The following TRPS1 variants were observed in gnomAD, a reference collection of about 807,000 sequenced individuals.
The protein encoded by TRPS1 is zinc finger transcription factor Trps1.
TRPS1 carries 6 observed loss-of-function variants against 101.2 expected under a neutral mutation model. The ratio of observed to expected loss-of-function variants is 0.06; its 90% confidence interval spans 0.03 to 0.12. The LOEUF is 0.12. TRPS1 is among the 10% of genes least tolerant of loss of function. The pLI is 1.00. For missense variants in TRPS1, 1,363 were observed against 1,567.0 expected, an observed-to-expected ratio of 0.87 and a Z score of 2.20; for synonymous variants, 578 against 589.8, an observed-to-expected ratio of 0.98 and a Z score of 0.29.
intron 5 of TRPS1, among the ~76,000 whole-genome samples, chr8:115,540,633 A>G (rs1816430217): frequency 1.3e-5 from 2 of 151,888 alleles, no homozygotes; most frequent in African/African-American, 4.8e-5. Context: ...CACCATTTAA[A>G]TTACTAATTA....
intron 5 of TRPS1, among the ~76,000 whole-genome samples, chr8:115,525,997 T>C (rs1334093100): frequency 6.6e-6 from 1 of 152,116 alleles, no homozygotes; most frequent in Non-Finnish European, 1.5e-5. Context: ...TGTTGGGCAA[T>C]AAATTATTTG....
At chr8:115,503,985 T>C (rs1281728279) in intron 5 of TRPS1, among the ~76,000 whole-genome samples, 1 of 152,216 alleles carries the variant, frequency 6.6e-6, no homozygotes, top group East Asian at 1.9e-4. Context: ...TCCCCAAATG[T>C]GTGTTTCATT....
At chr8:115,535,413 A>G (rs1204820479) in intron 5 of TRPS1, among the ~76,000 whole-genome samples, 1 of 134,490 alleles carries the variant, frequency 7.4e-6, no homozygotes, top group African/African-American at 3.7e-5. Context: ...TATAGCATAT[A>G]TAGTGCATAT....
rs774172927 is a variant in TRPS1 at position 115,604,443 on chromosome 8, G to A, written c.1526C>T (p.Thr509Ile). 2.6e-5 allele frequency: 42 copies of A among 1,613,862 alleles called. No homozygotes were observed. Among genetic ancestry groups the A allele is most frequent in the Middle Eastern group, 3.3e-4 (2 of 6,084 alleles). ...LAKSSEGETMTKTDKSSSGAK... is the reference protein window; with the variant it reads ...LAKSSEGETMIKTDKSSSGAK... ...CCCACTCGAGCTCTTGTCTGTCTTGGTCATTGTCTCTCCTTCTGAACTTTT... is the reference window on the plus strand; with the variant it reads ...CCCACTCGAGCTCTTGTCTGTCTTGATCATTGTCTCTCCTTCTGAACTTTT... Residue 509 changes from threonine (T) to isoleucine (I), a missense_variant, in exon 4 of 7, where the codon ACC becomes ATC. By Grantham distance (89) the Thr-to-Ile change is moderately conservative. Around this residue, in one of 5 missense-constraint regions of TRPS1, gnomAD observed 1,020 missense variants for 1,073.0 expected, o/e 0.95. Coordinates refer to ENST00000395715, the MANE Select transcript of TRPS1 (RefSeq NM_014112.5). This position sits in a 1 kb window ranked among gnomAD's most constrained non-coding sequence, Gnocchi z 4.1.
At chr8:115,524,066 T>C (rs1374661677) in intron 5 of TRPS1, among the ~76,000 whole-genome samples, 4 of 152,144 alleles carry the variant, frequency 2.6e-5, no homozygotes, top group African/African-American at 9.6e-5. Flanking sequence ...TTAAAAATTA[T>C]CCATAACTGA....
intron 5 of TRPS1, among the ~76,000 whole-genome samples, chr8:115,559,149 A>G (rs1159178436): frequency 6.6e-6 from 1 of 152,176 alleles, no homozygotes; most frequent in East Asian, 1.9e-4. Context: ...ATACATTATG[A>G]AATCCTATGA....
intron 1 of TRPS1, among the ~76,000 whole-genome samples, chr8:115,654,683 T>A (rs1811640455): frequency 6.6e-6 from 1 of 152,194 alleles, no homozygotes; most frequent in South Asian, 2.1e-4. Context: ...ACCATTTTCA[T>A]AAGCAGTTTT....
chr8:115,539,575 C>T (rs954824659), intron 5 of TRPS1, among the ~76,000 whole-genome samples: 10 of 152,166 alleles, frequency 6.6e-5, no homozygotes. Context: ...CATGGTGGCT[C>T]ATGCCTGTAA....
chr8:115,467,244 T>C (rs946455115), intron 5 of TRPS1, among the ~76,000 whole-genome samples: 1 of 152,140 alleles, frequency 6.6e-6, no homozygotes, highest in Non-Finnish European at 1.5e-5. Flanking sequence ...GAAGTGGCAG[T>C]GTCCTTTTCC....
At chr8:115,487,764 A>G (rs999494721) in intron 5 of TRPS1, among the ~76,000 whole-genome samples, 7 of 152,226 alleles carry the variant, frequency 4.6e-5, no homozygotes, top group Non-Finnish European at 7.3e-5. Context: ...CATTTGAACC[A>G]ATAAGGAGTT....
intron 5 of TRPS1, among the ~76,000 whole-genome samples, chr8:115,516,595 C>T (rs570509287): frequency 1.3e-5 from 2 of 151,588 alleles, no homozygotes; most frequent in Non-Finnish European, 3.0e-5. Flanking sequence ...AAAAGTTTAA[C>T]CGTTGCTTAA....
At chr8:115,524,718 T>C (rs902661253) in intron 5 of TRPS1, among the ~76,000 whole-genome samples, 12 of 152,176 alleles carry the variant, frequency 7.9e-5, no homozygotes, top group African/African-American at 2.9e-4. Context: ...AAACAAACAA[T>C]AGAAAGTTCT....
At chr8:115,573,807 T>C (rs1817259685) in intron 5 of TRPS1, among the ~76,000 whole-genome samples, 1 of 152,194 alleles carries the variant, frequency 6.6e-6, no homozygotes, top group African/African-American at 2.4e-5. Flanking sequence ...GCTTTTCTCT[T>C]TCCTATATCC....
intron 5 of TRPS1, among the ~76,000 whole-genome samples, chr8:115,553,745 G>T (rs1315151473): frequency 1.3e-5 from 2 of 152,014 alleles, no homozygotes; most frequent in Non-Finnish European, 2.9e-5. Context: ...AACTTTCATT[G>T]CTCTTCTTCT....
intron 5 of TRPS1, among the ~76,000 whole-genome samples, chr8:115,440,245 A>G (rs1813557819): frequency 6.6e-6 from 1 of 152,258 alleles, no homozygotes; most frequent in South Asian, 2.1e-4. Context: ...GAACCAAGGT[A>G]TTGCCACATC....
intron 5 of TRPS1, among the ~76,000 whole-genome samples, chr8:115,507,010 C>T (rs1464996947): frequency 6.6e-6 from 1 of 152,056 alleles, no homozygotes; most frequent in Admixed American, 6.6e-5. Context: ...ATAAAGATGG[C>T]TTAGTTTTAT....
chr8:115,655,948 G>A (rs1811667724), intron 1 of TRPS1, among the ~76,000 whole-genome samples: 2 of 152,066 alleles, frequency 1.3e-5, no homozygotes, highest in Non-Finnish European at 2.9e-5. Context: ...GACATCACAG[G>A]AACCAAACAA....
At chr8:115,506,602 T>G (rs1815450986) in intron 5 of TRPS1, among the ~76,000 whole-genome samples, 1 of 152,144 alleles carries the variant, frequency 6.6e-6, no homozygotes, top group Admixed American at 6.6e-5. Flanking sequence ...AATATTGGTT[T>G]AGATACTTAC....
chr8:115,426,832 A>G (rs1813198648), intron 5 of TRPS1, among the ~76,000 whole-genome samples: 1 of 152,204 alleles, frequency 6.6e-6, no homozygotes, highest in African/African-American at 2.4e-5. Context: ...ATATTATCCC[A>G]GTTCAGATTT....
Sources: allele counts gnomAD v4.1 joint callset (sites outside exome capture counted in the v4.1 genomes callset), GRCh38; gene constraint gnomAD v4.1.1; regional missense constraint gnomAD v4.1.1; non-coding constraint Gnocchi (gnomAD v3.1); transcripts MANE v1.5; gene names NCBI Gene and HGNC (gene_info 2026-07-23, HGNC 2026-07-21).